LOC128706666: variants seen among roughly 807,000 people sequenced by gnomAD.
the LOC128706666 span, among the ~76,000 whole-genome samples, chr20:10,421,777 A>G: frequency 6.7e-6 from 1 of 150,352 alleles, no homozygotes; most frequent in Non-Finnish European, 1.5e-5. Flanking sequence ...TAGCTTTTAA[A>G]ATATATATAT....
the LOC128706666 span, among the ~76,000 whole-genome samples, chr20:10,422,089 C>A: frequency 6.6e-6 from 1 of 152,130 alleles, no homozygotes. Flanking sequence ...GTTAAATAGT[C>A]TGAACCATCT....
At chr20:10,428,625 G>A in the LOC128706666 span, among the ~76,000 whole-genome samples, 3 of 152,136 alleles carry the variant, frequency 2.0e-5, no homozygotes, top group Non-Finnish European at 4.4e-5. Flanking sequence ...GATCACTTGA[G>A]GTCAGGATTT....
At chr20:10,416,536 A>C in the LOC128706666 span, among the ~76,000 whole-genome samples, 7 of 152,182 alleles carry the variant, frequency 4.6e-5, no homozygotes, top group Non-Finnish European at 8.8e-5. Flanking sequence ...GCAAACCCAC[A>C]GGTTCATACT....
chr20:10,419,517 C>T, the LOC128706666 span, among the ~76,000 whole-genome samples: 1 of 152,156 alleles, frequency 6.6e-6, no homozygotes. Context: ...TGTTCCAAGA[C>T]CACCCAGTGG....
the LOC128706666 span, among the ~76,000 whole-genome samples, chr20:10,430,202 T>C: frequency 1.3e-5 from 2 of 152,218 alleles, no homozygotes; most frequent in African/African-American, 4.8e-5. Context: ...TCAAGCACTT[T>C]AAATCATTTT....
chr20:10,428,878 C>T, the LOC128706666 span, among the ~76,000 whole-genome samples: 2 of 152,144 alleles, frequency 1.3e-5, no homozygotes, highest in Admixed American at 6.5e-5. Flanking sequence ...TCCTTGCCTG[C>T]TGTCAGAAGA....
At chr20:10,418,070 A>T in the LOC128706666 span, among the ~76,000 whole-genome samples, 3 of 152,240 alleles carry the variant, frequency 2.0e-5, no homozygotes, top group Admixed American at 1.3e-4. Flanking sequence ...TGGGTATCAA[A>T]TTGTAGGTAA....
chr20:10,419,473 AAC>A, the LOC128706666 span, among the ~76,000 whole-genome samples: 12 of 152,236 alleles, frequency 7.9e-5, no homozygotes, highest in Non-Finnish European at 1.5e-4. Flanking sequence ...GTGGAATAAA[AAC>A]AGTGACCTCC....
the LOC128706666 span, among the ~76,000 whole-genome samples, chr20:10,422,912 C>G: frequency 2.6e-5 from 4 of 151,862 alleles, no homozygotes; most frequent in African/African-American, 9.7e-5. Flanking sequence ...AGGGTTTCAC[C>G]GTGTTAGCCA....
the LOC128706666 span, among the ~76,000 whole-genome samples, chr20:10,414,510 C>T: frequency 1.3e-5 from 2 of 152,088 alleles, no homozygotes; most frequent in Non-Finnish European, 2.9e-5. Flanking sequence ...GGTGATCTGC[C>T]CATCTCTGCC....
At chr20:10,418,858 C>A in the LOC128706666 span, among the ~76,000 whole-genome samples, 4 of 151,994 alleles carry the variant, frequency 2.6e-5, no homozygotes, top group East Asian at 7.7e-4. Context: ...AAAAATCCAG[C>A]ACCTAATAAA....
At chr20:10,432,979 T>C in the LOC128706666 span, among the ~76,000 whole-genome samples, 1 of 152,190 alleles carries the variant, frequency 6.6e-6, no homozygotes, top group Admixed American at 6.5e-5. Flanking sequence ...TCAGTACAGA[T>C]GTAACCATCT....
chr20:10,431,598 T>C, the LOC128706666 span: 1 of 152,190 alleles, frequency 6.6e-6, no homozygotes, highest in Non-Finnish European at 1.5e-5. Context: ...ATAAAGTCTT[T>C]ACCAAGTTGA....
the LOC128706666 span, among the ~76,000 whole-genome samples, chr20:10,416,870 T>C: frequency 1.3e-5 from 2 of 152,320 alleles, no homozygotes; most frequent in Admixed American, 1.3e-4. Context: ...TGCTCATTAA[T>C]TTGTGTACTG....
chr20:10,427,630 T>C, the LOC128706666 span, among the ~76,000 whole-genome samples: 1 of 152,250 alleles, frequency 6.6e-6, no homozygotes, highest in African/African-American at 2.4e-5. Flanking sequence ...ATTTTTTCTG[T>C]GTACACAATA....
the LOC128706666 span, among the ~76,000 whole-genome samples, chr20:10,427,063 C>CACACACACACACACACACAA: frequency 6.9e-6 from 1 of 145,394 alleles, no homozygotes; most frequent in African/African-American, 2.5e-5. Flanking sequence ...CACACACACA[C>CACACACACACACACACACAA]ACACACACAC....
chr20:10,427,047 C>T, the LOC128706666 span, among the ~76,000 whole-genome samples: 2 of 137,984 alleles, frequency 1.4e-5, no homozygotes, highest in African/African-American at 2.6e-5. Flanking sequence ...CACACACACA[C>T]ACACACACAC....
the LOC128706666 span, among the ~76,000 whole-genome samples, chr20:10,422,743 G>A: frequency 3.4e-5 from 5 of 145,464 alleles, no homozygotes; most frequent in Non-Finnish European, 7.5e-5. Context: ...ACAGAGTCTT[G>A]CTCTGTCACC....
the LOC128706666 span, chr20:10,420,602 C>T: frequency 5.9e-5 from 9 of 152,200 alleles, no homozygotes; most frequent in Admixed American, 5.9e-4. Context: ...CTATCTTGCT[C>T]AGGAATGTCG....
Sources: allele counts gnomAD v4.1 joint callset (sites outside exome capture counted in the v4.1 genomes callset), GRCh38; gene constraint gnomAD v4.1.1; transcripts MANE v1.5.